Variants in IFI27L1 observed in about 807,000 individuals in gnomAD.
The protein encoded by IFI27L1 is interferon alpha inducible protein 27 like 1.
Under a neutral mutation model 9.2 loss-of-function variants are expected in IFI27L1, and 3 were observed. The observed-to-expected ratio is 0.32, with a 90% CI of 0.15 to 0.84. The LOEUF is 0.84. Among genes scored for constraint, IFI27L1 ranks in the 40% least tolerant of loss-of-function variants. The pLI, the probability that IFI27L1 is intolerant of heterozygous loss-of-function variation, is 0.56. For synonymous variants in IFI27L1, 53 were observed against 50.0 expected, an observed-to-expected ratio of 1.06 and a Z score of -0.26; for missense variants, 133 against 134.2, an observed-to-expected ratio of 0.99 and a Z score of 0.05.
chr14:94,101,713 G>C, intron 3 of IFI27L1, 101 bp from the exon 4 acceptor site: 3 of 1,253,482 alleles, frequency 2.4e-6, no homozygotes, highest in Non-Finnish European at 3.4e-6. Context: ...TCTTTCCTGA[G>C]AGCACAGCAG....
intron 2 of IFI27L1, among the ~76,000 whole-genome samples, chr14:94,099,773 G>T (rs1453086388): frequency 6.6e-6 from 1 of 152,192 alleles, no homozygotes; most frequent in African/African-American, 2.4e-5. Context: ...AAACTGGAAA[G>T]GGAGGAGTTA....
chr14:94,095,059 G>A (rs1886619066), intron 1 of IFI27L1, among the ~76,000 whole-genome samples: 1 of 152,120 alleles, frequency 6.6e-6, no homozygotes, highest in African/African-American at 2.4e-5. Context: ...TTTAGAGACA[G>A]GATCTCACTG....
At chr14:94,090,613 G>T (rs916462641) in intron 1 of IFI27L1, among the ~76,000 whole-genome samples, 1 of 152,156 alleles carries the variant, frequency 6.6e-6, no homozygotes, top group South Asian at 2.1e-4. Context: ...ATAACTTGGG[G>T]CTCTTGGGCC....
chr14:94,093,088 C>T (rs1053697179), intron 1 of IFI27L1, among the ~76,000 whole-genome samples: 2 of 152,046 alleles, frequency 1.3e-5, no homozygotes, highest in African/African-American at 4.8e-5. Flanking sequence ...CATTACTTTT[C>T]CCCTCAAAAT....
chr14:94,082,142 G>A (rs1886128328), intron 1 of IFI27L1, among the ~76,000 whole-genome samples: 1 of 152,186 alleles, frequency 6.6e-6, no homozygotes, highest in African/African-American at 2.4e-5. Context: ...AAGCGAAACA[G>A]TTTATTGCTG....
At chr14:94,100,956 G>A (rs1392665734) in intron 3 of IFI27L1, 185 bp downstream of exon 3, 5 of 665,322 alleles carry the variant, frequency 7.5e-6, no homozygotes, top group Non-Finnish European at 1.3e-5. Flanking sequence ...TAAAGGCACA[G>A]GGCTTTGGAG....
In IFI27L1 at chr14:94,102,485, G is replaced by A. The variant is rs1462953316; in HGVS notation, c.232G>A (p.Gly78Arg). The A allele has an allele frequency of 1.9e-6, 3 of 1,587,272 alleles. No individual in the cohort carries two copies. The highest frequency in any genetic ancestry group is 2.3e-5 in the East Asian group (1 of 43,686). Residue 78 changes from glycine to arginine, a missense_variant, in exon 5 of 5, where the codon GGA becomes AGA. Transcript: ENST00000555523. ...VAILQSVGAA[G>R]LSVTSKVIGG... is the part of the protein sequence containing the mutation. ...CCTCTCTTCTCCCCCAGGGGCAGCT[G>A]GACTCTCTGTGACATCTAAAGTTAT...
At chr14:94,098,616 CA>C (rs5810657) in intron 2 of IFI27L1, among the ~76,000 whole-genome samples, 75,615 of 151,902 alleles carry the variant, frequency 0.5, 20,258 homozygotes, top group African/African-American at 0.71. Flanking sequence ...TCACCCCTGT[CA>C]AGACACTGCT....
At chr14:94,096,737 A>C in intron 1 of IFI27L1, 150 bp from the exon 2 acceptor site, 1 of 490,578 alleles carries the variant, frequency 2.0e-6, no homozygotes. Context: ...TACTTAGGGT[A>C]GTTACTCAAA....
At chr14:94,096,504 A>G (rs951760954) in intron 1 of IFI27L1, among the ~76,000 whole-genome samples, 14 of 152,006 alleles carry the variant, frequency 9.2e-5, no homozygotes, top group Non-Finnish European at 1.9e-4. Context: ...GACCAGCCTG[A>G]CCAACATGGT....
At chr14:94,087,453 G>A (rs974959894) in intron 1 of IFI27L1, among the ~76,000 whole-genome samples, 4 of 152,192 alleles carry the variant, frequency 2.6e-5, no homozygotes, top group Non-Finnish European at 5.9e-5. Context: ...TTGAGACGGA[G>A]TCTCACTCTG....
chr14:94,101,274 G>C (rs1166695513), intron 3 of IFI27L1: 1 of 234,164 alleles, frequency 4.3e-6, no homozygotes, highest in Non-Finnish European at 8.4e-6. Flanking sequence ...CACATTTCAA[G>C]TGCTAAACGT....
At chr14:94,100,284 C>T (rs551942701) in intron 2 of IFI27L1, 1 of 985,426 alleles carries the variant, frequency 1.0e-6, no homozygotes, top group East Asian at 1.1e-4. Flanking sequence ...TGTTACTTGG[C>T]TGAGACCAAG....
At chr14:94,100,312 G>C (rs770548307) in intron 2 of IFI27L1, 202 of 985,278 alleles carry the variant, frequency 2.1e-4, no homozygotes, top group Non-Finnish European at 2.4e-4. Flanking sequence ...TTCCTGGGGA[G>C]GTGGCTGAGC....
chr14:94,096,000 G>T (rs1886651933), intron 1 of IFI27L1, among the ~76,000 whole-genome samples: 1 of 152,176 alleles, frequency 6.6e-6, no homozygotes, highest in African/African-American at 2.4e-5. Context: ...AAGCGAGATT[G>T]GGAATGTGTG....
intron 1 of IFI27L1, chr14:94,088,260 A>T: frequency 2.8e-6 from 2 of 702,334 alleles, no homozygotes; most frequent in Non-Finnish European, 5.2e-6. Context: ...GCAGAAGCAG[A>T]GTCCCAGGAT....
At chr14:94,090,107 A>G (rs557625206) in intron 1 of IFI27L1, among the ~76,000 whole-genome samples, 1 of 152,346 alleles carries the variant, frequency 6.6e-6, no homozygotes, top group East Asian at 1.9e-4. Flanking sequence ...GAACTGGGCA[A>G]TTGTTGGAAC....
intron 1 of IFI27L1, among the ~76,000 whole-genome samples, chr14:94,086,680 G>T (rs1288060650): frequency 6.6e-6 from 1 of 152,160 alleles, no homozygotes; most frequent in South Asian, 2.1e-4. Context: ...CAAGACAACA[G>T]CCCTAATCAA....
intron 2 of IFI27L1, chr14:94,097,700 G>C (rs1297231562): frequency 1.1e-5 from 8 of 702,166 alleles, no homozygotes; most frequent in Non-Finnish European, 2.1e-5. Context: ...TTCACGGATA[G>C]ATTGCTGTGA....
Sources: gnomAD v4.1 joint callset for allele counts (sites outside exome capture counted in the v4.1 genomes callset) on GRCh38, gnomAD v4.1.1 for gene constraint, MANE v1.5 for transcripts, NCBI Gene and HGNC (gene_info 2026-07-23, HGNC 2026-07-21) for gene names.